MTFR2: variants seen among roughly 807,000 people sequenced by gnomAD.
MTFR2 encodes DUF729 domain-containing protein 1.
Under a neutral mutation model 41.2 loss-of-function variants are expected in MTFR2, and 44 were observed. The observed-to-expected ratio is 1.07, with a 90% confidence interval of 0.84 to 1.37. The LOEUF is 1.37. Ranked by LOEUF, MTFR2 falls within the 40% of genes most tolerant of loss-of-function variation. The pLI, the probability that MTFR2 is intolerant of heterozygous loss-of-function variation, is 0.00. For synonymous variants in MTFR2, 141 were observed against 154.6 expected, an observed-to-expected ratio of 0.91 and a Z score of 0.65; for missense variants, 452 against 459.5, an observed-to-expected ratio of 0.98 and a Z score of 0.15.
intron 4 of MTFR2, among the ~76,000 whole-genome samples, chr6:136,242,534 TAACAC>T (rs1408900925): frequency 6.6e-6 from 1 of 152,012 alleles, no homozygotes; most frequent in African/African-American, 2.4e-5. Flanking sequence ...TCCCTAGGAG[TAACAC>T]ATCCAAATTT....
In MTFR2 at chr6:136,233,508, TA is replaced by T. The variant is rs376346756; in HGVS notation, c.870-10del. 1,287 of 1,294,860 alleles carry T rather than the reference TA, an allele frequency of 9.9e-4. No individual in the cohort carries two copies. The highest frequency in any genetic ancestry group is 2.8e-3 in the South Asian group (167 of 59,102). 80.2% of individuals were successfully genotyped at this position (1,294,860 alleles called of 1,614,324 possible). On this transcript the variant is annotated splice_polypyrimidine_tract_variant and intron_variant, in intron 6 of 7. Coordinates refer to ENST00000420702, the MANE Select transcript of MTFR2 (RefSeq NM_001099286.3). ...GTCTACCGCCAGGTGACCTATTTTT[TA>T]AAAAAAAAAATTGAATTTATTAAAA... is the stretch of plus-strand genomic sequence containing the variant.
chr6:136,248,044 A>T (rs2128459721), intron 2 of MTFR2, among the ~76,000 whole-genome samples: 1 of 152,230 alleles, frequency 6.6e-6, no homozygotes, highest in South Asian at 2.1e-4. Context: ...TAATAATGGT[A>T]CTATGATTCT....
intron 1 of MTFR2, 45 bp from the exon 2 acceptor site, chr6:136,249,198 C>T (rs1780296809): frequency 2.4e-6 from 2 of 838,964 alleles, no homozygotes; most frequent in South Asian, 1.9e-5. Flanking sequence ...CAAATAAATG[C>T]CAAATTGTAC....
rs546381849 is a variant in MTFR2 at position 136,242,780 on chromosome 6, G to A, written c.281+81C>T. ...GTTTGAAGATAAACAAAACAAAAAA[G>A]CTCAATCAATCTTAACAAGCTTCGA... On this transcript the variant is annotated intron_variant, in intron 4 of 7. Coordinates refer to ENST00000420702, the MANE Select transcript of MTFR2 (RefSeq NM_001099286.3). 62 of 1,039,748 alleles carry A rather than the reference G, an allele frequency of 6.0e-5. 2 individuals carry two copies. The South Asian group carries it at 7.3e-4, about 12-fold the overall frequency. 64.4% of individuals were successfully genotyped at this position (1,039,748 alleles called of 1,614,324 possible).
At chr6:136,236,004 G>C (rs1174960463) in intron 6 of MTFR2, among the ~76,000 whole-genome samples, 1 of 152,218 alleles carries the variant, frequency 6.6e-6, no homozygotes, top group East Asian at 1.9e-4. Flanking sequence ...GGTCAACTAA[G>C]ACGAGCAATG....
Position 136,244,792 on chromosome 6 carries a change from C to T in MTFR2, c.141G>A (p.Leu47=). The stretch of plus-strand genomic sequence containing the variant: ...CAAAATTAGGTCTTCGACAAGGTTC[C>T]AGTGGAAGCATTTTCCCAATAATAC... ...IVRIIGKMLP[L]EPCRRPNFEL... Residue 47 remains leucine (L), a synonymous_variant, in exon 3 of 8, where the codon CTG becomes CTA. Transcript: ENST00000420702. The T allele has an allele frequency of 6.2e-7, 1 of 1,612,296 alleles. No homozygotes were observed. Among genetic ancestry groups the T allele is most frequent in the Non-Finnish European group, 8.5e-7 (1 of 1,179,312 alleles).
At chr6:136,248,341 A>G (rs1780268325) in intron 2 of MTFR2, among the ~76,000 whole-genome samples, 1 of 152,212 alleles carries the variant, frequency 6.6e-6, no homozygotes, top group Non-Finnish European at 1.5e-5. Context: ...AATTGTAATT[A>G]TCCTCACGTG....
chr6:136,233,466 TTTCCTC>T lies in MTFR2; in HGVS notation c.897_902del (p.Lys301_Arg302del), dbSNP rs758359800. The T allele has an allele frequency of 1.9e-6, 3 of 1,580,604 alleles. No homozygotes were observed. Among genetic ancestry groups the T allele is most frequent in the East Asian group, 4.5e-5 (2 of 44,300 alleles). On this transcript the variant is annotated inframe_deletion, in exon 7 of 8. Transcript: ENST00000420702. Reference sequence around the variant, plus strand: ...CTGGATCCCAATGTGAATTCTGTCTTTTCCTCTTATGAATGGGTCTACCGCCAGGTG... The same window carrying T: ...CTGGATCCCAATGTGAATTCTGTCTTTTATGAATGGGTCTACCGCCAGGTG...
At position 136,242,982 on chromosome 6, in the gene MTFR2, A is replaced by G; in HGVS notation, c.169-9T>C. On this transcript the variant is annotated splice_polypyrimidine_tract_variant and intron_variant, in intron 3 of 7. Transcript: ENST00000420702. ...TTCAAGAGCGGGATCAACTAAAGTA[A>G]AAAAAGAAAAAAATAGTCAGAGCTC... 6.3e-7 allele frequency: 1 copy of G among 1,581,910 alleles called. No individual in the cohort carries two copies. Among genetic ancestry groups the G allele is most frequent in the South Asian group, 1.2e-5 (1 of 85,362 alleles).
intron 4 of MTFR2, 57 bp downstream of exon 4, chr6:136,242,804 G>T: frequency 7.5e-7 from 1 of 1,333,780 alleles, no homozygotes; most frequent in South Asian, 1.2e-5. Context: ...AACAAGCTTC[G>T]ACACATGCAA....
At chr6:136,234,755 C>T (rs968528660) in intron 6 of MTFR2, among the ~76,000 whole-genome samples, 2 of 152,192 alleles carry the variant, frequency 1.3e-5, no homozygotes, top group African/African-American at 4.8e-5. Context: ...GAGGAGGCTG[C>T]TGCGGAAGTC....
rs541649083 is a variant in MTFR2 at position 136,232,101 on chromosome 6, T to C, written c.1045-713A>G. ...TTTTTATAGTAATAGTTCTAAAGTG[T>C]CTTCTTAAATAGTTAAAAGAATATA... is the stretch of plus-strand genomic sequence containing the variant. On this transcript the variant is annotated intron_variant, in intron 7 of 7. Transcript: ENST00000420702. Among the ~76,000 whole-genome samples the C allele has an allele frequency of 7.2e-5, 11 of 152,350 alleles. No individual in the cohort carries two copies. In the South Asian group the frequency reaches 2.1e-3, roughly 29 times the overall value.
At chr6:136,242,054 T>G (rs1780090530) in intron 4 of MTFR2, among the ~76,000 whole-genome samples, 1 of 119,500 alleles carries the variant, frequency 8.4e-6, no homozygotes. Context: ...CACTCCAGCC[T>G]GGTCGACAGA....
At chr6:136,233,999 C>CAA (rs1239193466) in intron 6 of MTFR2, among the ~76,000 whole-genome samples, 4 of 151,904 alleles carry the variant, frequency 2.6e-5, no homozygotes, top group African/African-American at 9.7e-5. Context: ...CATCAATATA[C>CAA]AAGTAAGATC....
At position 136,247,533 on chromosome 6, in the gene MTFR2, A is replaced by G. The variant is rs181248408; in HGVS notation, c.63+1504T>C. The G allele has an allele frequency of 1.8e-3, 812 of 456,180 alleles. 9 individuals carry two copies. Among genetic ancestry groups the G allele is most frequent in the African/African-American group, 0.015 (761 of 50,166 alleles). 28.3% of individuals were successfully genotyped at this position (456,180 alleles called of 1,614,324 possible). A position where few individuals can be genotyped will look rare whatever the true frequency, so the allele number is the denominator to read the frequency against. On this transcript the variant is annotated intron_variant, in intron 2 of 7. Transcript: ENST00000420702. ...CTTCCTGTCTGTTTCTTCCAGAGTG[A>G]TGACAAATATGCTGAAGTTACTTCT...
At chr6:136,243,583 C>G (rs1780137335) in intron 3 of MTFR2, among the ~76,000 whole-genome samples, 1 of 151,980 alleles carries the variant, frequency 6.6e-6, no homozygotes, top group African/African-American at 2.4e-5. Context: ...TGGTGCACAC[C>G]TCCCAAGTAG....
chr6:136,240,411 A>C (rs937806020), intron 5 of MTFR2, among the ~76,000 whole-genome samples: 7 of 151,628 alleles, frequency 4.6e-5, no homozygotes, highest in African/African-American at 1.5e-4. Flanking sequence ...AAATGTTATA[A>C]ATATACACTG....
intron 3 of MTFR2, among the ~76,000 whole-genome samples, 164 bp from the exon 4 acceptor site, chr6:136,243,137 T>C (rs1246126175): frequency 3.3e-5 from 5 of 152,070 alleles, no homozygotes; most frequent in Non-Finnish European, 7.4e-5. Context: ...CTGGGGAAAA[T>C]GTTATGCTGA....
chr6:136,240,939 A>C (rs939503037), intron 5 of MTFR2, among the ~76,000 whole-genome samples: 1 of 152,088 alleles, frequency 6.6e-6, no homozygotes, highest in Non-Finnish European at 1.5e-5. Context: ...AAAATACAAA[A>C]AATTAGCCGA....
Sources: gnomAD v4.1 joint callset for allele counts (sites outside exome capture counted in the v4.1 genomes callset) on GRCh38, gnomAD v4.1.1 for gene constraint, MANE v1.5 for transcripts, NCBI Gene and HGNC (gene_info 2026-07-23, HGNC 2026-07-21) for gene names.